The following KIF16B variants were observed in gnomAD, a reference collection of about 807,000 sequenced individuals.
KIF16B encodes the protein kinesin family member 16B.
Under a neutral mutation model 156.3 loss-of-function variants are expected in KIF16B, and 98 were observed. That is an observed-to-expected ratio of 0.63 (90% CI 0.53 to 0.74). The LOEUF is 0.74. Ranked by LOEUF, KIF16B falls within the 30% of genes least tolerant of loss-of-function variation. KIF16B has a pLI of 0.00. For synonymous variants in KIF16B, 564 were observed against 583.7 expected (o/e 0.97, Z 0.49); for missense variants, 1,421 against 1,606.5 (o/e 0.88, Z 1.97).
Position 16,508,059 on chromosome 20 carries a change from C to A in KIF16B, c.598G>T (p.Glu200Ter). The A allele has an allele frequency of 6.2e-7, 1 of 1,614,106 alleles. No individual in the cohort carries two copies. Among genetic ancestry groups the A allele is most frequent in the Non-Finnish European group, 8.5e-7 (1 of 1,179,992 alleles). ...TTGATATTGCCCGCATCCATAAGTTCTTCTACGTCACCATAATTCTGTACT... is the reference window on the plus strand; with the variant it reads ...TTGATATTGCCCGCATCCATAAGTTATTCTACGTCACCATAATTCTGTACT... ...HLVQNYGDVEELMDAGNINRT... is the reference protein window; with the variant it reads ...HLVQNYGDVE Residue 200 changes from glutamate to a stop codon, truncating the protein, a stop_gained, in exon 7 of 26, where the codon GAA becomes TAA. Transcript: ENST00000354981. LOFTEE classifies it high-confidence loss of function.
At chr20:16,499,420 A>AT (rs2068552288) in intron 10 of KIF16B, among the ~76,000 whole-genome samples, 1 of 152,230 alleles carries the variant, frequency 6.6e-6, no homozygotes, top group African/African-American at 2.4e-5. Flanking sequence ...TCTGGTTTGC[A>AT]TAGAATGAAG....
intron 7 of KIF16B, 36 bp from the exon 8 acceptor site, chr20:16,506,226 C>A (rs755293159): frequency 6.4e-7 from 1 of 1,551,534 alleles, no homozygotes; most frequent in Non-Finnish European, 8.9e-7. Context: ...TGAAGAGGTG[C>A]AAAGGGCCCT....
At chr20:16,401,668 G>A (rs138758148) in intron 17 of KIF16B, among the ~76,000 whole-genome samples, 76 of 152,200 alleles carry the variant, frequency 5.0e-4, no homozygotes, top group African/African-American at 1.7e-3. Flanking sequence ...GTTCTTACTC[G>A]ACTGCTAGCC....
chr20:16,558,728 AC>A (rs2070945316), intron 1 of KIF16B, among the ~76,000 whole-genome samples: 1 of 152,032 alleles, frequency 6.6e-6, no homozygotes, highest in African/African-American at 2.4e-5. Flanking sequence ...ACATGGCAAA[AC>A]CCTGTTTCCA....
At chr20:16,314,447 C>A (rs3887315) in intron 24 of KIF16B, among the ~76,000 whole-genome samples, 52,989 of 151,992 alleles carry the variant, frequency 0.35, 9,239 homozygotes, top group Admixed American at 0.39. Context: ...AAGGTAACAC[C>A]AAGGGATGGG....
intron 23 of KIF16B, among the ~76,000 whole-genome samples, chr20:16,337,706 C>A (rs960030495): frequency 1.3e-5 from 2 of 152,160 alleles, no homozygotes; most frequent in African/African-American, 2.4e-5. Flanking sequence ...CCTCAGCAGA[C>A]CCCACTGAGG....
intron 12 of KIF16B, among the ~76,000 whole-genome samples, chr20:16,431,938 A>ACACACACACACACACACACACG (rs1163376065): frequency 1.3e-5 from 2 of 150,262 alleles, no homozygotes; most frequent in African/African-American, 4.9e-5. Flanking sequence ...ACACACACAC[A>ACACACACACACACACACACACG]CGCACAAGTT....
At chr20:16,467,692 T>C (rs2067532324) in intron 12 of KIF16B, among the ~76,000 whole-genome samples, 1 of 147,338 alleles carries the variant, frequency 6.8e-6, no homozygotes, top group Non-Finnish European at 1.5e-5. Context: ...GAGCATAGAG[T>C]GAAACATTTA....
chr20:16,497,211 A>G (rs1257973286), intron 11 of KIF16B, among the ~76,000 whole-genome samples: 1 of 152,208 alleles, frequency 6.6e-6, no homozygotes, highest in South Asian at 2.1e-4. Flanking sequence ...AGATTCCTCA[A>G]GTGCCACTCT....
intron 12 of KIF16B, among the ~76,000 whole-genome samples, chr20:16,431,241 T>C (rs2066490639): frequency 6.6e-6 from 1 of 152,150 alleles, no homozygotes; most frequent in African/African-American, 2.4e-5. Flanking sequence ...TGATATACAC[T>C]CAATTCAGCA....
intron 14 of KIF16B, among the ~76,000 whole-genome samples, chr20:16,428,081 G>A (rs1419321647): frequency 6.6e-6 from 1 of 152,030 alleles, no homozygotes; most frequent in Non-Finnish European, 1.5e-5. Flanking sequence ...TAGAAGAAGA[G>A]GCCTGATGCC....
intron 22 of KIF16B, among the ~76,000 whole-genome samples, chr20:16,364,842 G>A (rs569415895): frequency 6.6e-6 from 1 of 152,288 alleles, no homozygotes; most frequent in South Asian, 2.1e-4. Flanking sequence ...GACTGCAGAA[G>A]TTATAATGAG....
intron 24 of KIF16B, among the ~76,000 whole-genome samples, chr20:16,312,883 C>T (rs997111228): frequency 2.7e-5 from 4 of 150,600 alleles, no homozygotes; most frequent in Admixed American, 2.7e-4. Flanking sequence ...CAGACTATTG[C>T]TAAGGTTCTC....
rs781232907 is a variant in KIF16B, at chr20:16,378,948, C to A, written c.3054G>T (p.Ala1018=). The change falls in exon 19 of 26, where the codon GCG becomes GCT. Residue 1018 remains alanine (A), a synonymous_variant. Coordinates refer to ENST00000354981, the MANE Select transcript of KIF16B (RefSeq NM_024704.5). ...TGCCCAGGGTGGAGTGCCTCTGCAG[C>A]GCAGAATGTCTCCTCTCCAGCCTGG... The part of the protein sequence containing the change: ...ALARLERRHS[A]LQRHSTLGME... 7 of 1,613,994 alleles carry A rather than the reference C, an allele frequency of 4.3e-6. No individual in the cohort carries two copies. Among genetic ancestry groups the A allele is most frequent in the Non-Finnish European group, 5.9e-6 (7 of 1,179,980 alleles).
chr20:16,411,410 C>T (rs1263531120), intron 15 of KIF16B, among the ~76,000 whole-genome samples: 2 of 152,114 alleles, frequency 1.3e-5, no homozygotes, highest in African/African-American at 4.8e-5. Context: ...TTCTGTAAGA[C>T]ATTTCACACT....
intron 12 of KIF16B, among the ~76,000 whole-genome samples, chr20:16,470,282 A>G (rs1404429107): frequency 3.3e-5 from 5 of 152,154 alleles, no homozygotes; most frequent in Admixed American, 3.3e-4. Flanking sequence ...TACATTTGTC[A>G]AAATTCATAG....
intron 15 of KIF16B, among the ~76,000 whole-genome samples, chr20:16,414,730 C>T (rs1201508997): frequency 3.9e-5 from 6 of 152,126 alleles, no homozygotes; most frequent in African/African-American, 4.8e-5. Flanking sequence ...ATGTGTGTGT[C>T]GGAGCAGGGA....
chr20:16,288,513 G>A (rs573216777), intron 25 of KIF16B, among the ~76,000 whole-genome samples: 96 of 149,938 alleles, frequency 6.4e-4, no homozygotes, highest in African/African-American at 2.3e-3. Flanking sequence ...AAGGTTACTG[G>A]GATCCCATCA....
intron 12 of KIF16B, among the ~76,000 whole-genome samples, chr20:16,476,167 G>A (rs6034489): frequency 0.38 from 57,666 of 152,070 alleles, 12,539 homozygotes; most frequent in African/African-American, 0.6. Flanking sequence ...CTAGTGTTAA[G>A]AAACTAAAAC....
Sources: allele counts gnomAD v4.1 joint callset (sites outside exome capture counted in the v4.1 genomes callset), GRCh38; gene constraint gnomAD v4.1.1; transcripts MANE v1.5; gene names NCBI Gene and HGNC (gene_info 2026-07-23, HGNC 2026-07-21).